Variants in MICAL2 observed in about 807,000 individuals in gnomAD.
MICAL2 encodes the protein microtubule associated monooxygenase, calponin and LIM domain containing 2, also known as [F-actin]-monooxygenase MICAL2.
A neutral mutation model predicts 127.3 loss-of-function variants in MICAL2; 77 were observed. The ratio of observed to expected loss-of-function variants is 0.60; its 90% CI spans 0.50 to 0.73. The LOEUF (loss-of-function observed/expected upper bound fraction) is 0.73, where lower values mean the gene tolerates loss of function less well. MICAL2 is among the 30% of genes least tolerant of loss of function. The pLI is 0.00. For synonymous variants in MICAL2, 570 were observed against 551.1 expected (o/e 1.03, Z -0.48); for missense variants, 1,351 against 1,434.4 (o/e 0.94, Z 0.94).
chr11:12,200,525 G>T (rs1860570333), intron 3 of MICAL2, among the ~76,000 whole-genome samples: 1 of 152,234 alleles, frequency 6.6e-6, no homozygotes, highest in South Asian at 2.1e-4. Context: ...ATCACAGCAA[G>T]TGCGTTCAGA....
At chr11:12,341,684 G>A (rs954714337) in intron 32 of MICAL2, among the ~76,000 whole-genome samples, 4 of 152,010 alleles carry the variant, frequency 2.6e-5, no homozygotes, top group Non-Finnish European at 5.9e-5. Flanking sequence ...AAAATTAGCC[G>A]AGCATGGTGG....
chr11:12,361,850 C>G (rs938786418), downstream of MICAL2, among the ~76,000 whole-genome samples: 1 of 152,194 alleles, frequency 6.6e-6, no homozygotes, highest in African/African-American at 2.4e-5. Context: ...CTCAGCAGGG[C>G]AGAGGTGGCA....
At chr11:12,195,844 G>T (rs553260597) in intron 3 of MICAL2, 1 of 152,178 alleles carries the variant, frequency 6.6e-6, no homozygotes, top group South Asian at 2.1e-4. Flanking sequence ...AGAGGAGGGG[G>T]TGGTGGGAGC....
At chr11:12,313,960 G>GA (rs1864202667) in intron 29 of MICAL2, among the ~76,000 whole-genome samples, 1 of 20,488 alleles carries the variant, frequency 4.9e-5, no homozygotes, top group Admixed American at 3.1e-4. Flanking sequence ...GTCTTGGTCT[G>GA]ATTTTTTTTT....
intron 14 of MICAL2, among the ~76,000 whole-genome samples, chr11:12,226,819 A>AT (rs934190498): frequency 1.4e-4 from 21 of 150,938 alleles, no homozygotes; most frequent in South Asian, 6.3e-4. Context: ...CGTCTGGCTA[A>AT]TTTTTTTTGT....
chr11:12,356,009 T>C (rs1212008965), intron 34 of MICAL2, among the ~76,000 whole-genome samples: 1 of 152,194 alleles, frequency 6.6e-6, no homozygotes, highest in Non-Finnish European at 1.5e-5. Flanking sequence ...TCCTGGAATA[T>C]ACCTAACTTA....
chr11:12,172,323 C>G (rs1358761327), intron 3 of MICAL2, among the ~76,000 whole-genome samples: 3 of 152,180 alleles, frequency 2.0e-5, no homozygotes, highest in Non-Finnish European at 4.4e-5. Context: ...ATGTATTTGT[C>G]TCAGGTTGAG....
At chr11:12,114,379 T>C (rs1849833090) in intron 1 of MICAL2, among the ~76,000 whole-genome samples, 1 of 152,244 alleles carries the variant, frequency 6.6e-6, no homozygotes. Context: ...GCAGATATCC[T>C]TGATTGTGTC....
chr11:12,237,697 C>T (rs183704231), intron 16 of MICAL2, among the ~76,000 whole-genome samples: 12 of 152,282 alleles, frequency 7.9e-5, no homozygotes, highest in African/African-American at 2.4e-4. Context: ...TCAGTTTTAA[C>T]AAAGCAATAT....
At chr11:12,160,005 T>C (rs996412724) in intron 2 of MICAL2, among the ~76,000 whole-genome samples, 8 of 152,148 alleles carry the variant, frequency 5.3e-5, no homozygotes, top group African/African-American at 1.4e-4. Context: ...TAAGGCCTCA[T>C]GGAGGACCCA....
At chr11:12,342,928 G>A (rs575929006) in intron 32 of MICAL2, among the ~76,000 whole-genome samples, 1 of 152,196 alleles carries the variant, frequency 6.6e-6, no homozygotes, top group East Asian at 1.9e-4. Context: ...CCGGGAGGGG[G>A]CAGGGAGCTG....
At chr11:12,352,068 C>T (rs941026034) in intron 33 of MICAL2, among the ~76,000 whole-genome samples, 1 of 152,084 alleles carries the variant, frequency 6.6e-6, no homozygotes, top group African/African-American at 2.4e-5. Flanking sequence ...AATTACAGGC[C>T]TGAGCCACCA....
chr11:12,239,837 C>G (rs1232558759), intron 17 of MICAL2, among the ~76,000 whole-genome samples: 1 of 152,246 alleles, frequency 6.6e-6, no homozygotes, highest in Non-Finnish European at 1.5e-5. Context: ...AATACCTAAA[C>G]AAATGAGTCT....
rs537396350 is a variant in MICAL2 at position 12,227,184 on chromosome 11, T to G, written c.1995+53T>G. ...TTTCCCATTGCACATGGACGGGGTA[T>G]GAGGAACGGAGATTGTCACATTCTC... is the stretch of plus-strand genomic sequence containing the variant. On this transcript the variant is annotated intron_variant, in intron 15 of 27. Transcript: ENST00000683283. The G allele has an allele frequency of 3.6e-5, 46 of 1,283,742 alleles. 1 individual carries two copies. In the African/African-American group the frequency reaches 5.9e-4, roughly 17 times the overall value. 79.5% of individuals were successfully genotyped at this position (1,283,742 alleles called of 1,614,324 possible).
upstream of MICAL2, among the ~76,000 whole-genome samples, chr11:12,271,284 A>G (rs1434445606): frequency 1.3e-5 from 2 of 152,180 alleles, no homozygotes; most frequent in Non-Finnish European, 2.9e-5. Context: ...TCCAGCCCCC[A>G]TTAGAGTCCT....
At chr11:12,166,933 T>C (rs1268993954) in intron 3 of MICAL2, among the ~76,000 whole-genome samples, 1 of 151,796 alleles carries the variant, frequency 6.6e-6, no homozygotes, top group Non-Finnish European at 1.5e-5. Flanking sequence ...TGCTCTGTAA[T>C]GGGAAAGGAG....
At chr11:12,185,715 G>A (rs556096249) in intron 3 of MICAL2, among the ~76,000 whole-genome samples, 16 of 152,270 alleles carry the variant, frequency 1.1e-4, no homozygotes, top group African/African-American at 3.4e-4. Flanking sequence ...ACTCCGCACT[G>A]CTCAGCTCTC....
intron 32 of MICAL2, among the ~76,000 whole-genome samples, chr11:12,340,331 T>TA (rs1211145692): frequency 1.3e-5 from 2 of 152,196 alleles, no homozygotes; most frequent in Admixed American, 6.5e-5. Flanking sequence ...CAGACTACAG[T>TA]AAAAAACTAT....
intron 34 of MICAL2, among the ~76,000 whole-genome samples, chr11:12,356,811 C>T (rs1279628000): frequency 6.6e-6 from 1 of 152,240 alleles, no homozygotes; most frequent in Non-Finnish European, 1.5e-5. Context: ...GCATACAGCA[C>T]ACCAAGATCT....
Sources: gnomAD v4.1 joint callset for allele counts (sites outside exome capture counted in the v4.1 genomes callset) on GRCh38, gnomAD v4.1.1 for gene constraint, MANE v1.5 for transcripts, NCBI Gene and HGNC (gene_info 2026-07-23, HGNC 2026-07-21) for gene names.